Variants in SCN4A observed in about 807,000 individuals in gnomAD.
SCN4A encodes sodium voltage-gated channel alpha subunit 4, also known as sodium channel protein type 4 subunit alpha.
Under a neutral mutation model 162.0 loss-of-function variants are expected in SCN4A, and 83 were observed. The ratio of observed to expected loss-of-function variants is 0.51; its 90% CI spans 0.43 to 0.61. The LOEUF (loss-of-function observed/expected upper bound fraction) is 0.61. SCN4A is among the 20% of genes least tolerant of loss of function. The probability of loss-of-function intolerance (pLI) is 0.00; values close to 1 mark genes in which losing one functional copy is unlikely to be tolerated. For missense variants in SCN4A, 2,196 were observed against 2,462.5 expected (o/e 0.89, Z 2.29); for synonymous variants, 944 against 985.1 (o/e 0.96, Z 0.78).
At chr17:63,947,821 G>A in intron 17 of SCN4A, 69 bp downstream of exon 17, 4 of 1,519,616 alleles carry the variant, frequency 2.6e-6, no homozygotes, top group Non-Finnish European at 3.6e-6. Context: ...CAGGGCGTGG[G>A]CTTCCTGAGG....
In SCN4A at chr17:63,963,766, T is replaced by C; in HGVS notation, c.1512A>G (p.Lys504=). 1 of 1,609,208 alleles carries C rather than the reference T, an allele frequency of 6.2e-7. No individual in the cohort carries two copies. Among genetic ancestry groups the C allele is most frequent in the Non-Finnish European group, 8.5e-7 (1 of 1,178,234 alleles). The part of the protein sequence containing the change: ...GEADGDPAHG[K]DCNGSLDTSQ... ...ATGTGTCCAGGCTGCCATTGCAGTC[T>C]TTGCCATGGGCTGGGTCCCCATCTG... The change falls in exon 10 of 24, where the codon AAA becomes AAG. Residue 504 remains lysine (K), a synonymous_variant. Coordinates refer to ENST00000435607, the MANE Select transcript of SCN4A (RefSeq NM_000334.4).
At position 63,968,011 on chromosome 17, in the gene SCN4A, C is replaced by A; in HGVS notation, c.1036+12G>T. 1 of 1,610,532 alleles carries A rather than the reference C, an allele frequency of 6.2e-7. No homozygotes were observed. The highest frequency in any genetic ancestry group is 8.5e-7 in the Non-Finnish European group (1 of 1,177,034). The stretch of plus-strand genomic sequence containing the variant: ...CAGGATCCCCCTTGCCCGTCACCCT[C>A]CCCATTCTTACCTTCATCACTGATG... On this transcript the variant is annotated intron_variant, in intron 6 of 23. Coordinates refer to ENST00000435607, the MANE Select transcript of SCN4A (RefSeq NM_000334.4).
Position 63,959,433 on chromosome 17 carries a change from G to A in SCN4A, c.1851C>T (p.Phe617=). The A allele has an allele frequency of 3.1e-6, 5 of 1,613,318 alleles. No homozygotes were observed. The highest frequency in any genetic ancestry group is 4.2e-6 in the Non-Finnish European group (5 of 1,179,574). ...DNVLTVGNLV[F]TGIFTAEMVL... is the part of the protein sequence containing the mutation. ...CCATCTCTGCTGTGAAGATGCCTGT[G>A]AAGACCTAGGGGGTGGCATGAGGCC... The change falls in exon 12 of 24, where the codon TTC becomes TTT. Residue 617 remains phenylalanine, a synonymous_variant. Transcript: ENST00000435607.
chr17:63,948,992 C>T (rs956479973), intron 15 of SCN4A, among the ~76,000 whole-genome samples: 7 of 152,232 alleles, frequency 4.6e-5, no homozygotes, highest in African/African-American at 1.7e-4. Flanking sequence ...TGGGGATGGG[C>T]ATGCAGAGGA....
At chr17:63,965,486 A>G (rs969076100) in intron 8 of SCN4A, among the ~76,000 whole-genome samples, 3 of 151,526 alleles carry the variant, frequency 2.0e-5, no homozygotes, top group Non-Finnish European at 4.4e-5. Flanking sequence ...GCAACATCGA[A>G]TTTCTGTCTT....
chr17:63,961,001 C>T (rs1255973589), intron 11 of SCN4A, among the ~76,000 whole-genome samples, 192 bp downstream of exon 11: 1 of 149,686 alleles, frequency 6.7e-6, no homozygotes, highest in Non-Finnish European at 1.5e-5. Context: ...AACCCCAGTT[C>T]TGTGTGCCAC....
rs762281432 is a variant in SCN4A at position 63,948,774 on chromosome 17, G to T, written c.2990-9C>A. ...CCAGCGCTGCACGCAGGCTGATGGG[G>T]TGAGGGGGGACAGGGACAGGCACCA... On this transcript the variant is annotated splice_polypyrimidine_tract_variant and intron_variant, in intron 15 of 23. Transcript: ENST00000435607. 3 of 1,593,930 alleles carry T rather than the reference G, an allele frequency of 1.9e-6. No homozygotes were observed. In the Admixed American group the frequency reaches 5.0e-5, roughly 27 times the overall value.
Position 63,971,167 on chromosome 17 carries a change from A to T in SCN4A, c.698T>A (p.Ile233Asn). ...TCCCTGCACCTCCCCAGTACCTGGG[A>T]TGACCGTGATGGTTTTGAGGGCCCG... Reference protein sequence around the residue: ...VLRALKTITVIPGLKTIVGAL... With the variant: ...VLRALKTITVNPGLKTIVGAL... Residue 233 changes from isoleucine (I) to asparagine (N), a missense_variant, in exon 5 of 24, where the codon ATC becomes AAC. Transcript: ENST00000435607. 6.4e-7 allele frequency: 1 copy of T among 1,554,216 alleles called. No individual in the cohort carries two copies. The highest frequency in any genetic ancestry group is 8.7e-7 in the Non-Finnish European group (1 of 1,147,312).
Position 63,961,432 on chromosome 17 carries a change from C to T in SCN4A, c.1607-1G>A, listed in dbSNP as rs267604991. ...CACTTTTGGTGGGCCTCTTCCAGTT[C>T]TGGGAGAGGGGTGGTAGCAGGTATC... On this transcript the variant is annotated splice_acceptor_variant, in intron 10 of 23. Transcript: ENST00000435607. LOFTEE classifies it high-confidence loss of function. 1 of 1,607,974 alleles carries T rather than the reference C, an allele frequency of 6.2e-7. No individual in the cohort carries two copies. Among genetic ancestry groups the T allele is most frequent in the African/African-American group, 1.3e-5 (1 of 74,730 alleles).
chr17:63,966,286 C>G, intron 7 of SCN4A, 43 bp from the exon 8 acceptor site: 1 of 1,584,024 alleles, frequency 6.3e-7, no homozygotes, highest in Non-Finnish European at 8.6e-7. Context: ...GGGAGGAGCA[C>G]TCCAGCTGGG....
rs1598405110 is a variant in SCN4A at position 63,941,614 on chromosome 17, G to C, written c.4668C>G (p.Asn1556Lys). The change falls in exon 24 of 24, where the codon AAC (asparagine) becomes AAG (lysine). Residue 1556 changes from asparagine to lysine, a missense_variant. Physicochemically the swap from Asn to Lys is moderately conservative, Grantham distance 94. Transcript: ENST00000435607. This position sits in a 1 kb window ranked among gnomAD's most constrained non-coding sequence, Gnocchi z 6.2. ...TGACACTGGTGCCCGGGTTCTCCAGGTTGGGGTCACAGTCTGGGGGCCCGC... is the reference window on the plus strand; with the variant it reads ...TGACACTGGTGCCCGGGTTCTCCAGCTTGGGGTCACAGTCTGGGGGCCCGC... ...LNSGPPDCDP[N>K]LENPGTSVKG... 1.2e-6 allele frequency: 2 copies of C among 1,614,058 alleles called. No individual in the cohort carries two copies. The highest frequency in any genetic ancestry group is 1.7e-6 in the Non-Finnish European group (2 of 1,179,968).
intron 13 of SCN4A, among the ~76,000 whole-genome samples, chr17:63,953,169 G>A (rs915780742): frequency 6.6e-6 from 1 of 152,112 alleles, no homozygotes; most frequent in Non-Finnish European, 1.5e-5. Flanking sequence ...GACAATCCTG[G>A]CTAACATGGT....
rs778815474 is a variant in SCN4A at position 63,945,682 on chromosome 17, G to A, written c.3442-44C>T. On this transcript the variant is annotated intron_variant, in intron 18 of 23. Coordinates refer to ENST00000435607, the MANE Select transcript of SCN4A (RefSeq NM_000334.4). The surrounding 1 kb of genome is among the most constrained non-coding windows in gnomAD (Gnocchi z 4.4). ...ATTGCCAGTGCCTCTCCCAGCCTCTGAGAGAGGGCTCCACATCTCTACGCC... is the reference window on the plus strand; with the variant it reads ...ATTGCCAGTGCCTCTCCCAGCCTCTAAGAGAGGGCTCCACATCTCTACGCC... 11 of 1,607,450 alleles carry A rather than the reference G, an allele frequency of 6.8e-6. No homozygotes were observed. The highest frequency in any genetic ancestry group is 9.4e-6 in the Non-Finnish European group (11 of 1,175,462).
chr17:63,969,949 A>T (rs1909566013), intron 5 of SCN4A, among the ~76,000 whole-genome samples: 1 of 152,090 alleles, frequency 6.6e-6, no homozygotes, highest in Non-Finnish European at 1.5e-5. Context: ...GGCCTCAGGT[A>T]CTTTCTCATA....
In SCN4A at chr17:63,948,778, G is replaced by C. The variant is rs765336159; in HGVS notation, c.2990-13C>G. ...CGCTGCACGCAGGCTGATGGGGTGA[G>C]GGGGGACAGGGACAGGCACCACATC... On this transcript the variant is annotated splice_polypyrimidine_tract_variant and intron_variant, in intron 15 of 23. Coordinates refer to ENST00000435607, the MANE Select transcript of SCN4A (RefSeq NM_000334.4). 3.8e-6 allele frequency: 6 copies of C among 1,588,360 alleles called. No individual in the cohort carries two copies. In the East Asian group the frequency reaches 9.0e-5, roughly 24 times the overall value.
At chr17:63,955,634 A>G (rs928932310) in intron 13 of SCN4A, among the ~76,000 whole-genome samples, 13 of 151,932 alleles carry the variant, frequency 8.6e-5, no homozygotes, top group African/African-American at 2.9e-4. Context: ...AGACTCAGTC[A>G]CCCCCAAGTC....
intron 6 of SCN4A, 115 bp downstream of exon 6, chr17:63,967,907 TG>T: frequency 2.2e-6 from 2 of 892,848 alleles, no homozygotes; most frequent in Non-Finnish European, 3.4e-6. Context: ...CACTCCAGCC[TG>T]GGTGACAAGA....
intron 15 of SCN4A, 31 bp downstream of exon 15, chr17:63,949,362 G>A (rs1240604092): frequency 6.5e-7 from 1 of 1,547,686 alleles, no homozygotes; most frequent in Non-Finnish European, 8.7e-7. Flanking sequence ...GCCTGGGGGA[G>A]ACACCCAGAT....
Position 63,972,534 on chromosome 17 carries a change from GCAGA to G in SCN4A, c.273+31_273+34del, listed in dbSNP as rs1212329560. Reference sequence around the variant, plus strand: ...AGACAGGCAGACAGATGGATGGATGGCAGACAGACAGAGGAAGCCTTCCCAGGCC... The same window carrying G: ...AGACAGGCAGACAGATGGATGGATGGCAGACAGAGGAAGCCTTCCCAGGCC... On this transcript the variant is annotated intron_variant, in intron 1 of 23. Coordinates refer to ENST00000435607, the MANE Select transcript of SCN4A (RefSeq NM_000334.4). This position sits in a 1 kb window ranked among gnomAD's most constrained non-coding sequence, Gnocchi z 4.3. The G allele has an allele frequency of 6.3e-7, 1 of 1,599,646 alleles. No individual in the cohort carries two copies. Among genetic ancestry groups the G allele is most frequent in the Non-Finnish European group, 8.5e-7 (1 of 1,172,902 alleles).
Sources: allele counts gnomAD v4.1 joint callset (sites outside exome capture counted in the v4.1 genomes callset), GRCh38; gene constraint gnomAD v4.1.1; non-coding constraint Gnocchi (gnomAD v3.1); transcripts MANE v1.5; gene names NCBI Gene and HGNC (gene_info 2026-07-23, HGNC 2026-07-21).